The following HERC1 variants were observed in gnomAD, a reference collection of about 807,000 sequenced individuals.
HERC1 encodes the protein HECT and RLD domain containing E3 ubiquitin protein ligase family member 1.
In HERC1, 160 loss-of-function variants were observed where a neutral mutation model predicts 554.3. That is an observed-to-expected ratio of 0.29 (90% CI 0.25 to 0.33). The LOEUF (loss-of-function observed/expected upper bound fraction) is 0.33. HERC1 is among the 10% of genes least tolerant of loss of function. The pLI, the probability that HERC1 is intolerant of heterozygous loss-of-function variation, is 1.00. For synonymous variants in HERC1, 2,175 were observed against 2,131.7 expected, an observed-to-expected ratio of 1.02 and a Z score of -0.56; for missense variants, 4,919 against 5,918.5, an observed-to-expected ratio of 0.83 and a Z score of 5.54.
chr15:63,685,876 G>C (rs1038763222), intron 34 of HERC1, among the ~76,000 whole-genome samples: 4 of 152,198 alleles, frequency 2.6e-5, no homozygotes, highest in African/African-American at 9.7e-5. Context: ...ACTGATACAG[G>C]CTGGCTTATT....
rs762759078 is a variant in HERC1 at position 63,652,475 on chromosome 15, G to A, written c.10357C>T (p.Arg3453Cys). Reference protein sequence around the residue: ...LATSGNDGTIRVWNVTKKQYS... With the variant: ...LATSGNDGTICVWNVTKKQYS... ...TGCTTCTTGGTAACATTCCATACGCGGATGGTGCCATCATTGCCACTTGTA... is the reference window on the plus strand; with the variant it reads ...TGCTTCTTGGTAACATTCCATACGCAGATGGTGCCATCATTGCCACTTGTA... The change falls in exon 52 of 78, where the codon CGC (arginine) becomes TGC (cysteine). Residue 3453 changes from arginine (R) to cysteine (C), a missense_variant. Arg to Cys is a radical substitution (Grantham distance 180). Transcript: ENST00000443617. The A allele has an allele frequency of 1.5e-5, 24 of 1,610,740 alleles. No homozygotes were observed. The highest frequency in any genetic ancestry group is 2.7e-5 in the African/African-American group (2 of 74,874).
chr15:63,660,278 C>T (rs2070284515), intron 46 of HERC1, among the ~76,000 whole-genome samples: 1 of 152,062 alleles, frequency 6.6e-6, no homozygotes, highest in African/African-American at 2.4e-5. Context: ...TGAGATCACG[C>T]CACAGCACTA....
chr15:63,657,856 T>C (rs112027308), intron 48 of HERC1, among the ~76,000 whole-genome samples: 1 of 152,194 alleles, frequency 6.6e-6, no homozygotes, highest in Non-Finnish European at 1.5e-5. Flanking sequence ...GGATAAACCA[T>C]CAGACCCTGC....
chr15:63,664,448 AG>A (rs61498040), intron 43 of HERC1, 21 bp downstream of exon 43: 67,747 of 1,584,908 alleles, frequency 0.043, 1,655 homozygotes, highest in Non-Finnish European at 0.052. Context: ...CACAAAGAAA[AG>A]GATACGGAAC....
intron 1 of HERC1, among the ~76,000 whole-genome samples, chr15:63,808,238 A>G (rs957924537): frequency 6.6e-6 from 1 of 152,154 alleles, no homozygotes; most frequent in African/African-American, 2.4e-5. Context: ...ATGATTCTGA[A>G]TAACGGCTGC....
chr15:63,686,305 GA>G (rs1292837455), intron 34 of HERC1, 53 bp downstream of exon 34: 128 of 1,321,754 alleles, frequency 9.7e-5, no homozygotes, highest in South Asian at 1.5e-4. Flanking sequence ...TAAGAACCTG[GA>G]AAAAAAAGGA....
Position 63,661,944 on chromosome 15 carries a change from C to T in HERC1, c.8979G>A (p.Gln2993=), listed in dbSNP as rs770309600. ...LCECSVVSFN[Q]HMKRNHPGCG... is the part of the protein sequence containing the mutation. ...AGCCTGGATGGTTTCTCTTCATGTG[C>T]TGATTGAAGCTGACGACGCTGCATT... The change falls in exon 45 of 78, where the codon CAG becomes CAA. Residue 2993 remains glutamine (Q), a synonymous_variant. Transcript: ENST00000443617. 3.7e-6 allele frequency: 6 copies of T among 1,613,978 alleles called. No homozygotes were observed. The Admixed American group carries it at 1.0e-4, about 27-fold the overall frequency.
At position 63,686,370 on chromosome 15, in the gene HERC1, A is replaced by G. The variant is rs1188369132; in HGVS notation, c.6214T>C (p.Tyr2072His). 1 of 1,601,974 alleles carries G rather than the reference A, an allele frequency of 6.2e-7. No individual in the cohort carries two copies. ...GATTTTCTACGTACCTTCCACTGAT[A>G]GCACCCAGAAGTTACTCCTGTAGAT... ...LASTGVTSGC[Y>H]QWKFYIVKEN... The change falls in exon 34 of 78, where the codon TAT becomes CAT. Residue 2072 changes from tyrosine to histidine, a missense_variant. Physicochemically the swap from Tyr to His is moderately conservative, Grantham distance 83. Coordinates refer to ENST00000443617, the MANE Select transcript of HERC1 (RefSeq NM_003922.4).
intron 39 of HERC1, 60 bp from the exon 40 acceptor site, chr15:63,669,758 A>G (rs2070809741): frequency 1.4e-6 from 2 of 1,466,666 alleles, no homozygotes; most frequent in African/African-American, 1.4e-5. Flanking sequence ...TACATACATC[A>G]CAATCTTCTT....
intron 1 of HERC1, among the ~76,000 whole-genome samples, chr15:63,782,946 T>G (rs2076328918): frequency 6.6e-6 from 1 of 152,242 alleles, no homozygotes. Flanking sequence ...AAGATGTGAC[T>G]GAATGCAGCA....
At chr15:63,647,941 T>C (rs572356858) in intron 55 of HERC1, 128 bp downstream of exon 55, 65 of 721,832 alleles carry the variant, frequency 9.0e-5, no homozygotes, top group African/African-American at 8.9e-4. Context: ...GATTACTTGA[T>C]GGGTACAATG....
intron 1 of HERC1, among the ~76,000 whole-genome samples, chr15:63,798,232 C>A (rs1360048704): frequency 6.6e-6 from 1 of 152,168 alleles, no homozygotes; most frequent in African/African-American, 2.4e-5. Context: ...AGGTTCTCCC[C>A]AGTTCTAGTG....
In HERC1 at chr15:63,677,564, C is replaced by A. The variant is rs2071272752; in HGVS notation, c.7070+281G>T. The stretch of plus-strand genomic sequence containing the variant: ...GCCAAATGAAAATTGGAAGAAGAAT[C>A]CCAGTTAAACATATAAACTAAGGAG... On this transcript the variant is annotated intron_variant, in intron 37 of 77. Transcript: ENST00000443617. The surrounding 1 kb of genome is among the most constrained non-coding windows in gnomAD (Gnocchi z 4.4). 6.6e-6 allele frequency among the ~76,000 whole-genome samples: 1 copy of A among 152,052 alleles called. No individual in the cohort carries two copies. Among genetic ancestry groups the A allele is most frequent in the Non-Finnish European group, 1.5e-5 (1 of 68,000 alleles).
chr15:63,788,746 G>A (rs1047882083), intron 1 of HERC1, among the ~76,000 whole-genome samples: 2 of 151,522 alleles, frequency 1.3e-5, no homozygotes, highest in African/African-American at 4.9e-5. Flanking sequence ...GTGAAGCCCC[G>A]TCTCTACTAA....
chr15:63,771,309 C>A (rs1465056776), intron 2 of HERC1, among the ~76,000 whole-genome samples: 1 of 152,108 alleles, frequency 6.6e-6, no homozygotes, highest in Non-Finnish European at 1.5e-5. Flanking sequence ...ATTCCTTTCC[C>A]CTAAAACCAA....
At chr15:63,703,536 G>C (rs766118540) in intron 25 of HERC1, among the ~76,000 whole-genome samples, 5 of 152,126 alleles carry the variant, frequency 3.3e-5, no homozygotes, top group Admixed American at 1.3e-4. Flanking sequence ...TGCAAATGCT[G>C]TATGAGGGAA....
At chr15:63,613,073 G>A (rs2067670975) in intron 76 of HERC1, among the ~76,000 whole-genome samples, 1 of 152,190 alleles carries the variant, frequency 6.6e-6, no homozygotes, top group African/African-American at 2.4e-5. Context: ...GTACAAAGAA[G>A]AAAGTAAAAA....
intron 1 of HERC1, among the ~76,000 whole-genome samples, chr15:63,823,464 C>T (rs1005313242): frequency 2.6e-5 from 4 of 152,310 alleles, no homozygotes; most frequent in South Asian, 4.1e-4. Flanking sequence ...GAGATTAAGA[C>T]TTGCCTAACA....
rs2074103005 is a variant in HERC1, at chr15:63,727,895, A to G, written c.3155-57T>C. ...ATTGCTTCAAATGAACTTTAAAAAA[A>G]GGAACCTAATAAATATTATTTTAGC... On this transcript the variant is annotated intron_variant, in intron 16 of 77. Transcript: ENST00000443617. This position sits in a 1 kb window ranked among gnomAD's most constrained non-coding sequence, Gnocchi z 4.3. The G allele has an allele frequency of 1.4e-6, 2 of 1,383,302 alleles. No homozygotes were observed. Among genetic ancestry groups the G allele is most frequent in the Admixed American group, 1.9e-5 (1 of 53,266 alleles). 85.7% of individuals were successfully genotyped at this position (1,383,302 alleles called of 1,614,324 possible).
Sources: allele counts gnomAD v4.1 joint callset (sites outside exome capture counted in the v4.1 genomes callset), GRCh38; gene constraint gnomAD v4.1.1; non-coding constraint Gnocchi (gnomAD v3.1); transcripts MANE v1.5; gene names NCBI Gene and HGNC (gene_info 2026-07-23, HGNC 2026-07-21).